FAM47E: variants seen among roughly 807,000 people sequenced by gnomAD.
FAM47E encodes the protein protein FAM47E.
A neutral mutation model predicts 41.6 loss-of-function variants in FAM47E; 32 were observed. The ratio of observed to expected loss-of-function variants is 0.77; its 90% CI spans 0.58 to 1.03. The LOEUF is 1.03. FAM47E is among the 50% of genes least tolerant of loss of function. FAM47E has a pLI of 0.00. For synonymous variants in FAM47E, 184 were observed against 188.7 expected, an observed-to-expected ratio of 0.98 and a Z score of 0.20; for missense variants, 424 against 485.4, an observed-to-expected ratio of 0.87 and a Z score of 1.19.
intron 1 of FAM47E, 96 bp from the exon 2 acceptor site, chr4:76,256,082 G>A (rs1285077323): frequency 1.4e-6 from 2 of 1,388,750 alleles, no homozygotes; most frequent in East Asian, 2.5e-5. Context: ...CTGGAGACCA[G>A]CCTTTTTACT....
intron 4 of FAM47E, 184 bp downstream of exon 4, chr4:76,268,952 G>T (rs1734766135): frequency 4.3e-6 from 3 of 698,840 alleles, no homozygotes; most frequent in Admixed American, 3.9e-5. Context: ...TGTATAAATA[G>T]AAATATTTCT....
At chr4:76,280,527 G>T in intron 7 of FAM47E, 186 bp downstream of exon 7, 1 of 487,932 alleles carries the variant, frequency 2.0e-6, no homozygotes. Flanking sequence ...ATGGCATTTT[G>T]CCCTTTTTAT....
intron 7 of FAM47E, chr4:76,281,522 A>C (rs1157818121): frequency 6.6e-6 from 1 of 151,854 alleles, no homozygotes; most frequent in African/African-American, 2.4e-5. Context: ...TTAATATTAC[A>C]TAATTATGTG....
At chr4:76,274,212 T>G (rs746452717) in intron 5 of FAM47E, among the ~76,000 whole-genome samples, 4 of 152,222 alleles carry the variant, frequency 2.6e-5, no homozygotes, top group Non-Finnish European at 4.4e-5. Flanking sequence ...CTATAAATAT[T>G]CTTGAACTTT....
At chr4:76,231,866 A>C (rs564253215) in intron 2 of FAM47E, among the ~76,000 whole-genome samples, 2 of 152,350 alleles carry the variant, frequency 1.3e-5, no homozygotes, top group East Asian at 3.8e-4. Flanking sequence ...CAAGGGTATG[A>C]GGCCAGTTTC....
upstream of FAM47E, among the ~76,000 whole-genome samples, chr4:76,249,649 G>A (rs954156379): frequency 2.0e-5 from 3 of 151,894 alleles, no homozygotes; most frequent in Non-Finnish European, 4.4e-5. Context: ...CACCCAAGCA[G>A]TGTACCCTGT....
Position 76,280,356 on chromosome 4 carries a change from C to T in FAM47E, c.1104+15C>T. On this transcript the variant is annotated intron_variant, in intron 7 of 7. Coordinates refer to ENST00000424749, the MANE Select transcript of FAM47E (RefSeq NM_001136570.3). ...GGACGCCACGTGTGAGTAAAGGGTC[C>T]TTTCAGAAGGCCCTGCTGAGGGGCT... The T allele has an allele frequency of 6.9e-7, 1 of 1,456,042 alleles. No homozygotes were observed. Among genetic ancestry groups the T allele is most frequent in the Non-Finnish European group, 9.4e-7 (1 of 1,064,472 alleles). The allele number at this position is 1,456,042 out of a possible 1,614,324, so 90.2% of individuals were successfully genotyped here.
At chr4:76,266,768 T>G (rs1734652557) in intron 3 of FAM47E, among the ~76,000 whole-genome samples, 1 of 152,200 alleles carries the variant, frequency 6.6e-6, no homozygotes, top group African/African-American at 2.4e-5. Flanking sequence ...TAGGTCCCTG[T>G]CACCTCTCAA....
chr4:76,253,173 T>G (rs1256325535), intron 1 of FAM47E, among the ~76,000 whole-genome samples: 1 of 152,170 alleles, frequency 6.6e-6, no homozygotes, highest in Non-Finnish European at 1.5e-5. Context: ...ATAAAGCCTC[T>G]GAGATCCATC....
chr4:76,234,360 G>T, intron 2 of FAM47E: 1 of 152,696 alleles, frequency 6.5e-6, no homozygotes, highest in Non-Finnish European at 1.5e-5. Flanking sequence ...CCTTTGTGAA[G>T]CTAAAGATGG....
At chr4:76,248,899 T>A (rs1733890803), upstream of FAM47E, among the ~76,000 whole-genome samples, 1 of 152,172 alleles carries the variant, frequency 6.6e-6, no homozygotes, top group South Asian at 2.1e-4. Flanking sequence ...TTCCAGGTGT[T>A]TATTTCTAGA....
chr4:76,247,612 C>T (rs536798424), upstream of FAM47E, among the ~76,000 whole-genome samples: 44 of 152,130 alleles, frequency 2.9e-4, no homozygotes, highest in Middle Eastern at 0.02. Flanking sequence ...ATTTTCTATT[C>T]GTTTGTTTTT....
chr4:76,246,643 G>A (rs1430733841), intron 2 of FAM47E, among the ~76,000 whole-genome samples: 1 of 151,958 alleles, frequency 6.6e-6, no homozygotes, highest in Non-Finnish European at 1.5e-5. Context: ...AGATCAAGAT[G>A]TAGAAGATTT....
chr4:76,276,386 T>TTGTTTTTC, intron 5 of FAM47E, among the ~76,000 whole-genome samples: 1 of 152,044 alleles, frequency 6.6e-6, no homozygotes, highest in Non-Finnish European at 1.5e-5. Context: ...TTTTGTTTAT[T>TTGTTTTTC]TGGGGAGACA....
rs57234314 is a variant in FAM47E, at chr4:76,230,458, AT to A, written c.81+12771del. Among the ~76,000 whole-genome samples, 1,437 of 152,278 alleles carry A rather than the reference AT, an allele frequency of 9.4e-3. 24 individuals are homozygous for A. The highest frequency in any genetic ancestry group is 0.033 in the African/African-American group (1,365 of 41,536). ...AAGCTTCCCTGCTGAGAAAGCAAGC[AT>A]CACTTTCAGGCCTCACCTGCCCCTC... is the stretch of plus-strand genomic sequence containing the variant. On this transcript the variant is annotated intron_variant, in intron 2 of 7. Transcript: ENST00000510197.
intron 2 of FAM47E, among the ~76,000 whole-genome samples, chr4:76,260,166 T>G (rs1734348522): frequency 6.6e-6 from 1 of 152,154 alleles, no homozygotes; most frequent in Non-Finnish European, 1.5e-5. Flanking sequence ...TCAATGCCAT[T>G]CCTGTAAAAT....
upstream of FAM47E, among the ~76,000 whole-genome samples, chr4:76,250,547 CT>C (rs1488185882): frequency 6.6e-6 from 1 of 152,050 alleles, no homozygotes; most frequent in Non-Finnish European, 1.5e-5. Context: ...TGTGTAGAAG[CT>C]TTTTAGTTTA....
intron 2 of FAM47E, among the ~76,000 whole-genome samples, chr4:76,222,737 C>A (rs1384379559): frequency 6.6e-6 from 1 of 152,220 alleles, no homozygotes; most frequent in Admixed American, 6.5e-5. Context: ...GTAAATATTA[C>A]TTGCTATATG....
chr4:76,251,859 C>T (rs1241559434), intron 1 of FAM47E, 39 bp downstream of exon 1: 27 of 1,370,140 alleles, frequency 2.0e-5, no homozygotes, highest in Admixed American at 3.7e-5. Flanking sequence ...GCATCCCACG[C>T]GGGCCGCGCG....
Sources: allele counts gnomAD v4.1 joint callset (sites outside exome capture counted in the v4.1 genomes callset), GRCh38; gene constraint gnomAD v4.1.1; transcripts MANE v1.5; gene names NCBI Gene and HGNC (gene_info 2026-07-23, HGNC 2026-07-21).